The following LMBR1 variants were observed in gnomAD, a reference collection of about 807,000 sequenced individuals.
LMBR1 encodes the protein limb development membrane protein 1.
LMBR1 carries 52 observed loss-of-function variants against 73.9 expected under a neutral mutation model. The ratio of observed to expected loss-of-function variants is 0.70; its 90% CI spans 0.56 to 0.89. The LOEUF is 0.89. LMBR1 is among the 40% of genes least tolerant of loss of function. The probability of loss-of-function intolerance (pLI) is 0.00; values close to 1 mark genes in which losing one functional copy is unlikely to be tolerated. For missense variants in LMBR1, 539 were observed against 579.8 expected (o/e 0.93, Z 0.72); for synonymous variants, 215 against 209.4 (o/e 1.03, Z -0.23).
chr7:156,824,733 T>C (rs1381103154), intron 4 of LMBR1, among the ~76,000 whole-genome samples: 4 of 151,850 alleles, frequency 2.6e-5, no homozygotes, highest in African/African-American at 9.7e-5. Context: ...CAGTTCCAGC[T>C]ACCTGGGAGG....
intron 1 of LMBR1, among the ~76,000 whole-genome samples, chr7:156,887,500 T>C (rs1802125254): frequency 6.6e-6 from 1 of 151,164 alleles, no homozygotes; most frequent in Admixed American, 6.6e-5. Flanking sequence ...AACACTATAT[T>C]GTACAAAAAA....
chr7:156,777,948 A>C (rs938329050), intron 5 of LMBR1, among the ~76,000 whole-genome samples: 1 of 152,128 alleles, frequency 6.6e-6, no homozygotes, highest in East Asian at 1.9e-4. Context: ...GTCCAGTCAA[A>C]CACCAAGTGC....
intron 1 of LMBR1, among the ~76,000 whole-genome samples, chr7:156,842,652 T>G (rs1014874010): frequency 2.0e-4 from 30 of 152,216 alleles, no homozygotes; most frequent in African/African-American, 7.2e-4. Flanking sequence ...TAATTTCTTT[T>G]AATTCCTATT....
chr7:156,837,152 T>A (rs564539785), intron 1 of LMBR1, among the ~76,000 whole-genome samples: 1 of 148,136 alleles, frequency 6.8e-6, no homozygotes, highest in South Asian at 2.1e-4. Context: ...GATGAAACCC[T>A]GTCTCTACTA....
downstream of LMBR1, chr7:156,677,789 C>T (rs1037845503): frequency 6.6e-6 from 1 of 152,184 alleles, no homozygotes. Flanking sequence ...GGGATGTGCT[C>T]ATTTTTTAAG....
intron 1 of LMBR1, among the ~76,000 whole-genome samples, chr7:156,878,444 T>G (rs1238793056): frequency 1.3e-5 from 2 of 152,134 alleles, no homozygotes; most frequent in African/African-American, 4.8e-5. Flanking sequence ...ACTCAACCCC[T>G]TTTACAACAG....
At chr7:156,738,267 G>A (rs779554171) in intron 9 of LMBR1, among the ~76,000 whole-genome samples, 10 of 152,178 alleles carry the variant, frequency 6.6e-5, no homozygotes, top group Non-Finnish European at 1.5e-4. Flanking sequence ...ACCACTGCAT[G>A]CCCACAGAAG....
Position 156,826,697 on chromosome 7 carries a change from A to T in LMBR1, c.227T>A (p.Leu76Ter). 1 of 1,611,866 alleles carries T rather than the reference A, an allele frequency of 6.2e-7. No individual in the cohort carries two copies. Among genetic ancestry groups the T allele is most frequent in the Non-Finnish European group, 8.5e-7 (1 of 1,178,766 alleles). ...FTLAVSAGAV[L>*]LLPFSIISNE... Reference sequence around the variant, plus strand: ...GCTGATGATTGAGAAGGGTAAAAGCAAAACAGCCCCAGCTGACACTGCGAG... The same window carrying T: ...GCTGATGATTGAGAAGGGTAAAAGCTAAACAGCCCCAGCTGACACTGCGAG... The change falls in exon 4 of 17, where the codon TTG becomes TAG. Residue 76 changes from leucine to a stop codon, truncating the protein, a stop_gained. Coordinates refer to ENST00000353442, the MANE Select transcript of LMBR1 (RefSeq NM_022458.4). LOFTEE classifies it high-confidence loss of function.
chr7:156,721,579 T>C (rs1814591879), intron 15 of LMBR1, among the ~76,000 whole-genome samples: 1 of 152,128 alleles, frequency 6.6e-6, no homozygotes. Context: ...CCCCAAATTT[T>C]GGATTCTGAA....
At chr7:156,845,683 T>C (rs2134015912) in intron 1 of LMBR1, among the ~76,000 whole-genome samples, 1 of 151,950 alleles carries the variant, frequency 6.6e-6, no homozygotes, top group African/African-American at 2.4e-5. Context: ...AGGGTTTTGC[T>C]CTGTCACCTA....
intron 15 of LMBR1, among the ~76,000 whole-genome samples, chr7:156,692,412 T>A (rs998467917): frequency 2.0e-5 from 3 of 152,224 alleles, no homozygotes; most frequent in African/African-American, 7.2e-5. Context: ...TGTGCAAGTA[T>A]ATTTTCATGA....
rs1277547861 is a variant in LMBR1, at chr7:156,763,121, A to G, written c.606T>C (p.Cys202=). 7.2e-7 allele frequency: 1 copy of G among 1,397,000 alleles called. No homozygotes were observed. Among genetic ancestry groups the G allele is most frequent in the Admixed American group, 1.9e-5 (1 of 52,792 alleles). 86.5% of individuals were successfully genotyped at this position (1,397,000 alleles called of 1,614,324 possible). A position where few individuals can be genotyped will look rare whatever the true frequency, so the allele number is the denominator to read the frequency against. ...AAAAATACTTACAGAGAAGTAACAAACATCCCATCAATGATATACAGGAAT... is the reference window on the plus strand; with the variant it reads ...AAAAATACTTACAGAGAAGTAACAAGCATCCCATCAATGATATACAGGAAT... The part of the protein sequence containing the change: ...YLYSCISLMG[C]LLLLLCTPVG... Residue 202 remains cysteine, a synonymous_variant, in exon 7 of 17, where the codon TGT becomes TGC. Transcript: ENST00000353442.
downstream of LMBR1, among the ~76,000 whole-genome samples, chr7:156,673,364 T>C (rs1803012156): frequency 6.6e-6 from 1 of 152,250 alleles, no homozygotes; most frequent in Non-Finnish European, 1.5e-5. Flanking sequence ...TTTTTCCTTT[T>C]ACAATGTATA....
At chr7:156,730,426 CT>C (rs2132450271) in intron 10 of LMBR1, among the ~76,000 whole-genome samples, 1 of 152,224 alleles carries the variant, frequency 6.6e-6, no homozygotes, top group East Asian at 1.9e-4. Flanking sequence ...AAGCTATATC[CT>C]AGTATGAAGG....
chr7:156,834,473 C>T, intron 2 of LMBR1: 1 of 237,622 alleles, frequency 4.2e-6, no homozygotes, highest in South Asian at 4.1e-5. Flanking sequence ...CATGGTGGCA[C>T]ATGCCTGTAG....
intron 15 of LMBR1, among the ~76,000 whole-genome samples, chr7:156,721,388 ATTC>A (rs755264727): frequency 2.0e-5 from 3 of 152,242 alleles, no homozygotes; most frequent in South Asian, 2.1e-4. Flanking sequence ...CACAGAATCT[ATTC>A]TTCTAAAATT....
chr7:156,768,331 T>C (rs1318811953), intron 5 of LMBR1, among the ~76,000 whole-genome samples: 2 of 151,868 alleles, frequency 1.3e-5, no homozygotes, highest in African/African-American at 4.8e-5. Context: ...CACTACACTC[T>C]AGCCTGGGCA....
chr7:156,772,674 C>T (rs1825414810), intron 5 of LMBR1, among the ~76,000 whole-genome samples: 1 of 152,048 alleles, frequency 6.6e-6, no homozygotes. Flanking sequence ...ACAGTGAAAT[C>T]CTGCATCTAC....
At chr7:156,724,052 C>G (rs1327239257) in intron 15 of LMBR1, 60 bp downstream of exon 15, 2 of 1,175,464 alleles carry the variant, frequency 1.7e-6, no homozygotes, top group Non-Finnish European at 2.5e-6. Flanking sequence ...TAAATAAGTT[C>G]AGTAAAGACA....
Sources: gnomAD v4.1 joint callset for allele counts (sites outside exome capture counted in the v4.1 genomes callset) on GRCh38, gnomAD v4.1.1 for gene constraint, MANE v1.5 for transcripts, NCBI Gene and HGNC (gene_info 2026-07-23, HGNC 2026-07-21) for gene names.